Variants in ENOX2 observed in about 807,000 individuals in gnomAD.
ENOX2 encodes the protein APK1 antigen.
In ENOX2, 36 loss-of-function variants were observed where a neutral mutation model predicts 45.0. The ratio of observed to expected loss-of-function variants is 0.80; its 90% CI spans 0.61 to 1.06. The LOEUF (loss-of-function observed/expected upper bound fraction) is 1.06. Ranked by LOEUF, ENOX2 falls within the 50% of genes least tolerant of loss-of-function variation. The probability of loss-of-function intolerance (pLI) is 0.00; values close to 1 mark genes in which losing one functional copy is unlikely to be tolerated. For synonymous variants in ENOX2, 174 were observed against 152.3 expected (o/e 1.14, Z -1.05); for missense variants, 423 against 462.5 (o/e 0.91, Z 0.78).
Position 130,840,107 on chromosome X carries a change from A to G in ENOX2, c.-182-56417T>C, listed in dbSNP as rs950891390. Among the ~76,000 whole-genome samples, 3 of 111,507 alleles carry G rather than the reference A, an allele frequency of 2.7e-5. No individual in the cohort carries two copies. The Admixed American group carries it at 2.9e-4, about 11-fold the overall frequency. On this transcript the variant is annotated intron_variant, in intron 2 of 14. Transcript: ENST00000394363. ...ATCACAGTAAGCATTAAATAAGGTG[A>G]AATGTATTTTAAATGCCCTATAAAT... is the stretch of plus-strand genomic sequence containing the variant.
intron 3 of ENOX2, among the ~76,000 whole-genome samples, chrX:130,734,416 C>T (rs995287784): frequency 1.2e-4 from 13 of 111,040 alleles, no homozygotes; most frequent in African/African-American, 4.3e-4. Context: ...CTGAAGGAGA[C>T]GAGGGCAGGC....
intron 3 of ENOX2, among the ~76,000 whole-genome samples, chrX:130,749,931 C>G (rs1163964540): frequency 9.1e-6 from 1 of 110,437 alleles, no homozygotes; most frequent in Non-Finnish European, 1.9e-5. Context: ...TTGACACTCT[C>G]TCTGTCTTCC....
At chrX:130,813,835 C>T (rs1367324916) in intron 2 of ENOX2, among the ~76,000 whole-genome samples, 4 of 112,065 alleles carry the variant, frequency 3.6e-5, no homozygotes, top group Admixed American at 1.9e-4. Flanking sequence ...TTTGGGCAGA[C>T]ACCGAACTAG....
intron 3 of ENOX2, among the ~76,000 whole-genome samples, chrX:130,767,748 G>A (rs755702437): frequency 1.8e-5 from 2 of 112,403 alleles, no homozygotes; most frequent in East Asian, 5.6e-4. Flanking sequence ...CCATGTTGGA[G>A]CTTGGTCTTG....
chrX:130,651,360 C>T (rs1193089176), intron 10 of ENOX2, among the ~76,000 whole-genome samples: 2 of 112,250 alleles, frequency 1.8e-5, no homozygotes, highest in Non-Finnish European at 3.8e-5. Context: ...TCTCATCACC[C>T]CAAGACTGCT....
chrX:130,727,750 T>A (rs1386362355), intron 3 of ENOX2, among the ~76,000 whole-genome samples: 5 of 111,939 alleles, frequency 4.5e-5, no homozygotes, highest in African/African-American at 1.6e-4. Flanking sequence ...TTGAGCAGGA[T>A]GTAGTTAGAG....
intron 2 of ENOX2, among the ~76,000 whole-genome samples, chrX:130,827,373 T>C (rs1026560636): frequency 4.9e-4 from 55 of 111,994 alleles, no homozygotes; most frequent in African/African-American, 1.7e-3. Flanking sequence ...AGGTTGCAAT[T>C]ACTCATTCTC....
intron 3 of ENOX2, among the ~76,000 whole-genome samples, chrX:130,724,596 A>G (rs1185497741): frequency 8.9e-6 from 1 of 112,360 alleles, no homozygotes; most frequent in Admixed American, 9.4e-5. Flanking sequence ...TTTCTGGGGT[A>G]TTTCCTTGGA....
intron 2 of ENOX2, among the ~76,000 whole-genome samples, chrX:130,885,384 C>T (rs1034678706): frequency 1.2e-4 from 13 of 111,232 alleles, no homozygotes; most frequent in African/African-American, 4.3e-4. Flanking sequence ...AGTTTTCTTA[C>T]CTATAAAATG....
At chrX:130,640,354 C>T (rs1309386862) in intron 10 of ENOX2, among the ~76,000 whole-genome samples, 1 of 112,505 alleles carries the variant, frequency 8.9e-6, no homozygotes, top group Non-Finnish European at 1.9e-5. Flanking sequence ...CTGTGGAAGA[C>T]AGTGTGGTGA....
chrX:130,702,201 T>C (rs191115588), intron 4 of ENOX2, among the ~76,000 whole-genome samples: 59 of 111,685 alleles, frequency 5.3e-4, no homozygotes, highest in Admixed American at 8.6e-4. Context: ...AAAATGGCAT[T>C]ACTCTAAATC....
intron 9 of ENOX2, among the ~76,000 whole-genome samples, chrX:130,664,930 A>C (rs770312470): frequency 8.9e-6 from 1 of 112,569 alleles, no homozygotes; most frequent in African/African-American, 3.2e-5. Context: ...TGCATATATA[A>C]ATTGAAAATA....
chrX:130,898,348 A>T (rs1345863890), intron 2 of ENOX2, among the ~76,000 whole-genome samples: 1 of 112,306 alleles, frequency 8.9e-6, no homozygotes, highest in Non-Finnish European at 1.9e-5. Context: ...ACTGTAGATT[A>T]GAAAATAAAA....
intron 2 of ENOX2, among the ~76,000 whole-genome samples, chrX:130,830,441 G>A (rs994656032): frequency 9.0e-6 from 1 of 111,504 alleles, no homozygotes; most frequent in Admixed American, 9.5e-5. Context: ...CATACTTCAT[G>A]GAGAAGAAAA....
chrX:130,785,924 T>A (rs753575521), intron 2 of ENOX2, among the ~76,000 whole-genome samples: 1 of 112,558 alleles, frequency 8.9e-6, no homozygotes, highest in Non-Finnish European at 1.9e-5. Flanking sequence ...CTTGGTTTCA[T>A]AATGTGTAAA....
chrX:130,741,175 C>T (rs1374704699), intron 3 of ENOX2, among the ~76,000 whole-genome samples: 2 of 111,763 alleles, frequency 1.8e-5, no homozygotes, highest in Non-Finnish European at 3.8e-5. Flanking sequence ...CCATGATGGC[C>T]ATAGCTGTGG....
intron 10 of ENOX2, among the ~76,000 whole-genome samples, chrX:130,652,679 C>G (rs2036436758): frequency 8.9e-6 from 1 of 112,133 alleles, no homozygotes; most frequent in Non-Finnish European, 1.9e-5. Context: ...ACGAGGTAGT[C>G]AAATTACAAT....
At chrX:130,755,376 G>T (rs2039330249) in intron 3 of ENOX2, among the ~76,000 whole-genome samples, 1 of 111,394 alleles carries the variant, frequency 9.0e-6, no homozygotes, top group African/African-American at 3.3e-5. Flanking sequence ...TTTTTCTATT[G>T]TTGTTGTTGC....
intron 10 of ENOX2, among the ~76,000 whole-genome samples, chrX:130,651,993 CAAA>C (rs2036414782): frequency 9.0e-6 from 1 of 111,596 alleles, no homozygotes; most frequent in Admixed American, 9.5e-5. Context: ...ACAACAACAA[CAAA>C]AACCCTTAAC....
Sources: gnomAD v4.1 joint callset for allele counts (sites outside exome capture counted in the v4.1 genomes callset) on GRCh38, gnomAD v4.1.1 for gene constraint, MANE v1.5 for transcripts, NCBI Gene and HGNC (gene_info 2026-07-23, HGNC 2026-07-21) for gene names.